HSPB7: variants seen among roughly 807,000 people sequenced by gnomAD.
HSPB7 encodes the protein heat shock protein family B (small) member 7.
HSPB7 carries 9 observed loss-of-function variants against 11.0 expected under a neutral mutation model. The ratio of observed to expected loss-of-function variants is 0.82; its 90% CI spans 0.49 to 1.43. The LOEUF is 1.43. Ranked by LOEUF, HSPB7 falls within the 40% of genes most tolerant of loss-of-function variation. The pLI, the probability that HSPB7 is intolerant of heterozygous loss-of-function variation, is 0.00. For missense variants in HSPB7, 246 were observed against 243.9 expected (o/e 1.01, Z -0.06); for synonymous variants, 102 against 101.6 (o/e 1.00, Z -0.02).
chr1:16,019,329 C>T (rs199827658), upstream of HSPB7: 1 of 1,423,388 alleles, frequency 7.0e-7, no homozygotes, highest in Non-Finnish European at 9.7e-7. Flanking sequence ...CCAGATGCCC[C>T]CAGCACTGAC....
upstream of HSPB7, chr1:16,019,592 A>C: frequency 4.7e-6 from 5 of 1,063,622 alleles, no homozygotes; most frequent in Non-Finnish European, 6.6e-6. Context: ...TGGTATGTGG[A>C]GTGGAAGCAG....
Position 16,017,275 on chromosome 1 carries a change from CCTT to C in HSPB7, c.200-71_200-69del, listed in dbSNP as rs1351693330. ...GCATGCAGATCCGGGGGTTCTGGCT[CCTT>C]CTCTTGGGGCAAGGGGCGGCTCCCC... On this transcript the variant is annotated intron_variant, in intron 1 of 2. Transcript: ENST00000311890. 20 of 1,577,010 alleles carry C rather than the reference CCTT, an allele frequency of 1.3e-5. No individual in the cohort carries two copies. In the Admixed American group the frequency reaches 1.7e-4, roughly 14 times the overall value.
At chr1:16,017,390 A>G in intron 1 of HSPB7, 183 bp from the exon 2 acceptor site, 1 of 722,326 alleles carries the variant, frequency 1.4e-6, no homozygotes, top group South Asian at 1.9e-5. Flanking sequence ...GTGGGGCCTC[A>G]CCCAGCACAG....
chr1:16,017,858 C>A lies in HSPB7; in HGVS notation c.106G>T (p.Ala36Ser), dbSNP rs748022838. ...TSSSASRALP[A>S]QDPPMEKALS... ...GCCTTCTCCATGGGCGGGTCCTGGG[C>A]CGGGAGAGCACGGGAGGCCGAGGAG... Residue 36 changes from alanine (A) to serine (S), a missense_variant, in exon 1 of 3, where the codon GCC becomes TCC. Coordinates refer to ENST00000311890, the MANE Select transcript of HSPB7 (RefSeq NM_014424.5). The A allele has an allele frequency of 1.3e-5, 21 of 1,613,870 alleles. No homozygotes were observed. In the South Asian group the frequency reaches 2.2e-4, roughly 17 times the overall value.
upstream of HSPB7, chr1:16,018,990 G>A (rs762427191): frequency 9.1e-6 from 9 of 989,042 alleles, no homozygotes; most frequent in Non-Finnish European, 1.2e-5. Context: ...TGGCAGAGCT[G>A]GGATTCGAAC....
In HSPB7 at chr1:16,017,939, A is replaced by G. The variant is rs1330263738; in HGVS notation, c.25T>C (p.Phe9Leu). 1 of 1,613,522 alleles carries G rather than the reference A, an allele frequency of 6.2e-7. No individual in the cohort carries two copies. The highest frequency in any genetic ancestry group is 2.2e-5 in the East Asian group (1 of 44,882). ...GAATGGAAACTTCTCTCCGCTCGGA[A>G]GGTGGAAGAGGTTCTGTGGCTCATC... MSHRTSST[F>L]RAERSFHSSS... Residue 9 changes from phenylalanine to leucine, a missense_variant, in exon 1 of 3, where the codon TTC becomes CTC. Transcript: ENST00000311890.
chr1:16,019,245 C>T (rs1372502799), upstream of HSPB7: 7 of 1,547,082 alleles, frequency 4.5e-6, no homozygotes, highest in Non-Finnish European at 6.1e-6. Context: ...CCTTCCGTCC[C>T]AGATCAGCTC....
At chr1:16,018,386 A>G (rs954081182), upstream of HSPB7, 5 of 1,184,482 alleles carry the variant, frequency 4.2e-6, no homozygotes, top group African/African-American at 8.0e-5. Flanking sequence ...GCTCCTGAGG[A>G]CTGTGCCTCC....
At chr1:16,016,961 T>A in intron 2 of HSPB7, 113 bp downstream of exon 2, 1 of 1,092,996 alleles carries the variant, frequency 9.1e-7, no homozygotes. Flanking sequence ...GGAGTTTGGG[T>A]GGGGAAGGGA....
chr1:16,017,265 G>A (rs763953969), intron 1 of HSPB7, 58 bp from the exon 2 acceptor site: 22 of 1,584,946 alleles, frequency 1.4e-5, no homozygotes, highest in Non-Finnish European at 1.7e-5. Context: ...CAGATCCGGG[G>A]GTTCTGGCTC....
rs2021598906 is a variant in HSPB7 at position 16,015,097 on chromosome 1, C to T, written c.*483G>A. On this transcript the variant is annotated 3_prime_UTR_variant, in exon 3 of 3. Coordinates refer to ENST00000311890, the MANE Select transcript of HSPB7 (RefSeq NM_014424.5). This position sits in a 1 kb window ranked among gnomAD's most constrained non-coding sequence, Gnocchi z 4.9. ...CTGTCTCCTCTTGGCCTTGCTGAGC[C>T]CTCGGGCAATTAGTTCCACTTAGAT... 1 of 153,806 alleles carries T rather than the reference C, an allele frequency of 6.5e-6. No individual in the cohort carries two copies. Among genetic ancestry groups the T allele is most frequent in the Admixed American group, 6.4e-5 (1 of 15,688 alleles). The allele number at this position is 153,806 out of a possible 1,614,324, so 9.5% of individuals were successfully genotyped here.
upstream of HSPB7, chr1:16,019,184 G>C: frequency 6.4e-7 from 1 of 1,550,562 alleles, no homozygotes; most frequent in Non-Finnish European, 8.7e-7. Context: ...CAGGCCCTCT[G>C]CTCTGCCCAG....
chr1:16,018,598 C>T (rs760049706), upstream of HSPB7: 5 of 1,042,310 alleles, frequency 4.8e-6, no homozygotes, highest in Non-Finnish European at 5.8e-6. Flanking sequence ...CCTGCCAGCC[C>T]CCATGGGGAC....
chr1:16,019,452 G>A (rs549374993), upstream of HSPB7: 23 of 1,549,628 alleles, frequency 1.5e-5, no homozygotes, highest in East Asian at 3.7e-4. Context: ...GGGGGCGAGG[G>A]TTCACCTGTC....
chr1:16,016,584 G>C (rs12758813), intron 2 of HSPB7, among the ~76,000 whole-genome samples: 1 of 152,020 alleles, frequency 6.6e-6, no homozygotes, highest in Non-Finnish European at 1.5e-5. Flanking sequence ...TAATTTAGGG[G>C]TCCCAAGATG....
In HSPB7 at chr1:16,017,985, G is replaced by A. The variant is rs745484738; in HGVS notation, c.-22C>T. On this transcript the variant is annotated 5_prime_UTR_variant, in exon 1 of 3. Transcript: ENST00000311890. ...TCATCCACGGACGGCGCCGGGCCCT[G>A]CCCAGGCGGGCGAGGGCTGGACAGG... The A allele has an allele frequency of 6.2e-7, 1 of 1,612,652 alleles. No individual in the cohort carries two copies. Among genetic ancestry groups the A allele is most frequent in the Non-Finnish European group, 8.5e-7 (1 of 1,179,646 alleles).
intron 2 of HSPB7, among the ~76,000 whole-genome samples, chr1:16,016,659 C>T (rs1421744926): frequency 1.3e-5 from 2 of 151,972 alleles, no homozygotes; most frequent in Non-Finnish European, 2.9e-5. Flanking sequence ...GAAACCCCTC[C>T]CCCCACTGCC....
At chr1:16,019,453 T>A (rs1005263509), upstream of HSPB7, 3 of 1,549,430 alleles carry the variant, frequency 1.9e-6, no homozygotes, top group African/African-American at 4.1e-5. Context: ...GGGGCGAGGG[T>A]TCACCTGTCT....
At chr1:16,019,352 C>T (rs1039654624), upstream of HSPB7, 1 of 1,444,368 alleles carries the variant, frequency 6.9e-7, no homozygotes, top group African/African-American at 1.4e-5. Flanking sequence ...TCTTTGTCCT[C>T]CCACAGCACC....
Sources: allele counts gnomAD v4.1 joint callset (sites outside exome capture counted in the v4.1 genomes callset), GRCh38; gene constraint gnomAD v4.1.1; non-coding constraint Gnocchi (gnomAD v3.1); transcripts MANE v1.5; gene names NCBI Gene and HGNC (gene_info 2026-07-23, HGNC 2026-07-21).